ACO1: variants seen among roughly 807,000 people sequenced by gnomAD.
ACO1 encodes cytoplasmic aconitate hydratase.
ACO1 carries 78 observed loss-of-function variants against 105.1 expected under a neutral mutation model. That is an observed-to-expected ratio of 0.74 (90% CI 0.62 to 0.90). The LOEUF (loss-of-function observed/expected upper bound fraction) is 0.90, where lower values mean the gene tolerates loss of function less well. Ranked by LOEUF, ACO1 falls within the 40% of genes least tolerant of loss-of-function variation. The probability of loss-of-function intolerance (pLI) is 0.00; values close to 1 mark genes in which losing one functional copy is unlikely to be tolerated. For missense variants in ACO1, 965 were observed against 1,111.1 expected (o/e 0.87, Z 1.87); for synonymous variants, 364 against 397.4 (o/e 0.92, Z 1.00).
intron 12 of ACO1, 88 bp from the exon 13 acceptor site, chr9:32,429,331 C>A: frequency 2.5e-6 from 3 of 1,219,658 alleles, no homozygotes; most frequent in Non-Finnish European, 3.6e-6. Flanking sequence ...CCTTTTTGAA[C>A]AGTGGTCTCT....
intron 12 of ACO1, among the ~76,000 whole-genome samples, chr9:32,428,191 G>A (rs757105431): frequency 6.6e-6 from 1 of 151,108 alleles, no homozygotes; most frequent in African/African-American, 2.4e-5. Flanking sequence ...GGCTGAGGCT[G>A]CAGGATGGCT....
At chr9:32,444,674 G>A (rs955342567) in intron 19 of ACO1, among the ~76,000 whole-genome samples, 4 of 152,030 alleles carry the variant, frequency 2.6e-5, no homozygotes, top group African/African-American at 9.7e-5. Context: ...GGGTGAGAGA[G>A]GGCATCCTTC....
intron 14 of ACO1, among the ~76,000 whole-genome samples, chr9:32,431,437 T>C (rs1822233052): frequency 6.6e-6 from 1 of 152,226 alleles, no homozygotes; most frequent in African/African-American, 2.4e-5. Flanking sequence ...TGTGTTTAGA[T>C]AGGCTTCGCT....
chr9:32,440,481 C>T lies in ACO1; in HGVS notation c.2264C>T (p.Ala755Val), dbSNP rs749953124. The T allele has an allele frequency of 1.9e-6, 3 of 1,613,738 alleles. No homozygotes were observed. The highest frequency in any genetic ancestry group is 2.7e-5 in the African/African-American group (2 of 74,910). ...CTTCCTCAGCTTGATGTGTTTGATG[C>T]TGCTGAGCGGTACCAGCAGGCAGGC... ...PSGEILDVFD[A>V]AERYQQAGLP... Residue 755 changes from alanine to valine, a missense_variant, in exon 19 of 21, where the codon GCT becomes GTT. By Grantham distance (64) the Ala-to-Val change is moderately conservative. Coordinates refer to ENST00000309951, the MANE Select transcript of ACO1 (RefSeq NM_002197.3).
At chr9:32,427,127 A>T (rs1264513311) in intron 11 of ACO1, among the ~76,000 whole-genome samples, 174 bp from the exon 12 acceptor site, 1 of 152,068 alleles carries the variant, frequency 6.6e-6, no homozygotes, top group Non-Finnish European at 1.5e-5. Context: ...TTGGCCAGGG[A>T]GCCTTTAGAT....
At position 32,419,101 on chromosome 9, in the gene ACO1, A is replaced by C. The variant is rs1587534338; in HGVS notation, c.722A>C (p.Gln241Pro). 6.2e-7 allele frequency: 1 copy of C among 1,610,230 alleles called. No individual in the cohort carries two copies. The highest frequency in any genetic ancestry group is 8.5e-7 in the Non-Finnish European group (1 of 1,178,150). The change falls in exon 7 of 21, where the codon CAG (glutamine) becomes CCG (proline). Residue 241 changes from glutamine (Q) to proline (P), a missense_variant. Transcript: ENST00000309951. The part of the protein sequence containing the change: ...LGQPISMVLP[Q>P]VIGYRLMGKP... ...CAGCCAATCAGTATGGTGCTTCCTC[A>C]GGTGATTGGCTACAGGCTGATGGGG...
chr9:32,430,600 A>AT, intron 14 of ACO1, 26 bp downstream of exon 14: 1 of 1,569,716 alleles, frequency 6.4e-7, no homozygotes, highest in Non-Finnish European at 8.6e-7. Context: ...TGCAGCCATA[A>AT]TTTTTTTCCA....
intron 17 of ACO1, among the ~76,000 whole-genome samples, chr9:32,435,652 G>T (rs1314164395): frequency 6.6e-6 from 1 of 152,182 alleles, no homozygotes; most frequent in African/African-American, 2.4e-5. Flanking sequence ...CCACAGACAA[G>T]ATTTCCTCTG....
rs776158560 is a variant in ACO1 at position 32,435,033 on chromosome 9, AACCTGAC to A, written c.2099+335_2099+341del. Among the ~76,000 whole-genome samples the A allele has an allele frequency of 2.0e-3, 308 of 152,300 alleles. 1 individual carries two copies. Among genetic ancestry groups the A allele is most frequent in the East Asian group, 7.7e-4 (4 of 5,170 alleles). On this transcript the variant is annotated intron_variant, in intron 17 of 20. Transcript: ENST00000309951. The stretch of plus-strand genomic sequence containing the variant: ...TGCTCTTAACCTGGGGCAGAGGCAG[AACCTGAC>A]ACGCATTGCCAGGTCCTGGTTGAGA...
chr9:32,420,945 T>C lies in ACO1; in HGVS notation c.888T>C (p.Ile296=), dbSNP rs753816292. ...TGTCCATTGCTGACCGAGCTACGATTGCTAACATGTGTCCAGAGTACGGAG... is the reference window on the plus strand; with the variant it reads ...TGTCCATTGCTGACCGAGCTACGATCGCTAACATGTGTCCAGAGTACGGAG... ...AQLSIADRAT[I]ANMCPEYGAT... Residue 296 remains isoleucine, a synonymous_variant, in exon 8 of 21, where the codon ATT becomes ATC. Coordinates refer to ENST00000309951, the MANE Select transcript of ACO1 (RefSeq NM_002197.3). 2.5e-6 allele frequency: 4 copies of C among 1,614,172 alleles called. No individual in the cohort carries two copies. In the East Asian group the frequency reaches 8.9e-5, roughly 36 times the overall value.
At chr9:32,435,968 T>G in intron 17 of ACO1, 1 of 571,026 alleles carries the variant, frequency 1.8e-6, no homozygotes, top group Non-Finnish European at 3.3e-6. Context: ...AAATAAAACA[T>G]TCTTTTTTAG....
intron 1 of ACO1, among the ~76,000 whole-genome samples, chr9:32,393,346 C>A (rs1821306185): frequency 6.6e-6 from 1 of 152,116 alleles, no homozygotes; most frequent in African/African-American, 2.4e-5. Flanking sequence ...AAGAAATAAG[C>A]CCCAGTCTCC....
intron 1 of ACO1, among the ~76,000 whole-genome samples, chr9:32,403,018 C>G (rs370149515): frequency 6.6e-6 from 1 of 152,176 alleles, no homozygotes; most frequent in Non-Finnish European, 1.5e-5. Context: ...GTAAAGGCAA[C>G]TCCAGCATTC....
intron 16 of ACO1, 134 bp from the exon 17 acceptor site, chr9:32,434,425 A>T: frequency 9.9e-7 from 1 of 1,011,032 alleles, no homozygotes; most frequent in South Asian, 1.8e-5. Flanking sequence ...TAAAAACTAG[A>T]ACACTAGAAT....
In ACO1 at chr9:32,434,659, T is replaced by C; in HGVS notation, c.2057T>C (p.Ile686Thr). ...TTDHISPAGNIARNSPAARYL... is the reference protein window; with the variant it reads ...TTDHISPAGNTARNSPAARYL... ...GACCACATCTCCCCAGCTGGAAATA[T>C]TGCAAGAAACAGTCCTGCTGCTCGC... is the stretch of plus-strand genomic sequence containing the variant. The change falls in exon 17 of 21, where the codon ATT (isoleucine) becomes ACT (threonine). Residue 686 changes from isoleucine to threonine, a missense_variant. Ile to Thr is a moderately conservative substitution (Grantham distance 89). Transcript: ENST00000309951. The C allele has an allele frequency of 1.1e-5, 17 of 1,614,096 alleles. No homozygotes were observed. The highest frequency in any genetic ancestry group is 1.4e-5 in the Non-Finnish European group (16 of 1,179,976).
chr9:32,452,928 T>G lies in ACO1; in HGVS notation c.*2817T>G, dbSNP rs1252386292. 1 of 146,256 alleles carries G rather than the reference T, an allele frequency of 6.8e-6. No homozygotes were observed. Among genetic ancestry groups the G allele is most frequent in the Non-Finnish European group, 1.5e-5 (1 of 67,320 alleles). 9.1% of individuals were successfully genotyped at this position (146,256 alleles called of 1,614,324 possible). A position where few individuals can be genotyped will look rare whatever the true frequency, so the allele number is the denominator to read the frequency against. On this transcript the variant is annotated 3_prime_UTR_variant, in exon 21 of 21. Coordinates refer to ENST00000309951, the MANE Select transcript of ACO1 (RefSeq NM_002197.3). The stretch of plus-strand genomic sequence containing the variant: ...ATGATTGCTCCACTGCACTCCAGCC[T>G]GGGCAATAGAGTGAGACCCTATCAA...
chr9:32,427,255 A>G, intron 11 of ACO1, 46 bp from the exon 12 acceptor site: 1 of 1,583,100 alleles, frequency 6.3e-7, no homozygotes, highest in Middle Eastern at 1.7e-4. Context: ...CCTGGCACCT[A>G]GAGCAGGCAG....
intron 4 of ACO1, among the ~76,000 whole-genome samples, chr9:32,411,193 C>T (rs1277614399): frequency 6.6e-6 from 1 of 152,124 alleles, no homozygotes; most frequent in Non-Finnish European, 1.5e-5. Flanking sequence ...AAGATTACAC[C>T]ACAAGGGTTT....
Position 32,453,071 on chromosome 9 carries a change from G to T in ACO1, c.*2960G>T, listed in dbSNP as rs73644970. The T allele has an allele frequency of 6.7e-6, 1 of 150,272 alleles. No homozygotes were observed. Among genetic ancestry groups the T allele is most frequent in the Non-Finnish European group, 1.5e-5 (1 of 67,854 alleles). The allele number at this position is 150,272 out of a possible 1,614,324, so 9.3% of individuals were successfully genotyped here. On this transcript the variant is annotated 3_prime_UTR_variant, in exon 21 of 21. Transcript: ENST00000309951. ...TTACCTGGTTCTTTAAGGGCTGCTCGTCTTACTATCCAAATTAAAAATCTG... is the reference window on the plus strand; with the variant it reads ...TTACCTGGTTCTTTAAGGGCTGCTCTTCTTACTATCCAAATTAAAAATCTG...
Sources: gnomAD v4.1 joint callset for allele counts (sites outside exome capture counted in the v4.1 genomes callset) on GRCh38, gnomAD v4.1.1 for gene constraint, MANE v1.5 for transcripts, NCBI Gene and HGNC (gene_info 2026-07-23, HGNC 2026-07-21) for gene names.